The following CCDC83 variants were observed in gnomAD, a reference collection of about 807,000 sequenced individuals.
CCDC83 encodes coiled-coil domain containing 83.
Under a neutral mutation model 50.1 loss-of-function variants are expected in CCDC83, and 54 were observed. The ratio of observed to expected loss-of-function variants is 1.08; its 90% CI spans 0.87 to 1.35. The LOEUF (loss-of-function observed/expected upper bound fraction) is 1.35, where lower values mean the gene tolerates loss of function less well. Among genes scored for constraint, CCDC83 ranks in the 40% most tolerant of loss-of-function variants. The probability of loss-of-function intolerance (pLI) is 0.00; values close to 1 mark genes in which losing one functional copy is unlikely to be tolerated. For missense variants in CCDC83, 518 were observed against 473.9 expected, an observed-to-expected ratio of 1.09 and a Z score of -0.86; for synonymous variants, 161 against 153.3, an observed-to-expected ratio of 1.05 and a Z score of -0.37.
At chr11:85,906,738 A>G (rs997112028) in intron 7 of CCDC83, among the ~76,000 whole-genome samples, 16 of 152,238 alleles carry the variant, frequency 1.1e-4, no homozygotes, top group African/African-American at 3.4e-4. Context: ...TTTTTAAAGT[A>G]GCCAGGCATT....
chr11:85,893,282 G>A (rs1227715672), intron 5 of CCDC83, among the ~76,000 whole-genome samples: 2 of 152,190 alleles, frequency 1.3e-5, no homozygotes, highest in East Asian at 1.9e-4. Flanking sequence ...TGCTCTCAGC[G>A]TTTTCATCTA....
At chr11:85,869,296 C>A (rs559948584) in intron 2 of CCDC83, among the ~76,000 whole-genome samples, 2 of 152,326 alleles carry the variant, frequency 1.3e-5, no homozygotes, top group South Asian at 4.1e-4. Context: ...AGAACTGATA[C>A]TAAATCTATA....
intron 7 of CCDC83, among the ~76,000 whole-genome samples, chr11:85,908,657 C>T (rs2093437538): frequency 6.6e-6 from 1 of 151,820 alleles, no homozygotes; most frequent in Non-Finnish European, 1.5e-5. Context: ...AATCCCAGCA[C>T]TTCGGGAGGC....
intron 8 of CCDC83, among the ~76,000 whole-genome samples, chr11:85,913,981 G>T (rs990993670): frequency 6.6e-6 from 1 of 152,184 alleles, no homozygotes; most frequent in African/African-American, 2.4e-5. Context: ...CATTTAGAAA[G>T]ATCTTAATTG....
At chr11:85,888,489 T>C (rs1161433987) in intron 5 of CCDC83, among the ~76,000 whole-genome samples, 1 of 152,240 alleles carries the variant, frequency 6.6e-6, no homozygotes, top group East Asian at 1.9e-4. Context: ...TTCTAATGTG[T>C]TGTGGCACTC....
chr11:85,901,641 CAAA>C (rs61687599), intron 7 of CCDC83, among the ~76,000 whole-genome samples: 1 of 122,226 alleles, frequency 8.2e-6, no homozygotes, highest in Admixed American at 8.3e-5. Flanking sequence ...GACCACAATA[CAAA>C]AAAAAAAAAG....
At chr11:85,899,084 T>A (rs748721153) in intron 7 of CCDC83, 69 bp downstream of exon 7, 76 of 1,180,500 alleles carry the variant, frequency 6.4e-5, no homozygotes, top group Non-Finnish European at 7.3e-5. Flanking sequence ...GACTTTTAAT[T>A]ATGAACTGAA....
chr11:85,868,739 T>C (rs549095539), intron 2 of CCDC83, among the ~76,000 whole-genome samples: 129 of 152,144 alleles, frequency 8.5e-4, no homozygotes, highest in Non-Finnish European at 1.7e-3. Context: ...CTCAAACTCC[T>C]GGGCTCAAGG....
At chr11:85,914,417 T>C (rs1427465353) in intron 8 of CCDC83, among the ~76,000 whole-genome samples, 2 of 152,192 alleles carry the variant, frequency 1.3e-5, no homozygotes, top group African/African-American at 4.8e-5. Context: ...GAGCACAGAA[T>C]TAAACAATGT....
chr11:85,903,982 A>G (rs1189440909), intron 7 of CCDC83, among the ~76,000 whole-genome samples: 1 of 151,890 alleles, frequency 6.6e-6, no homozygotes, highest in Non-Finnish European at 1.5e-5. Context: ...ATCAAATTAA[A>G]TTTAAAAAAT....
At chr11:85,892,945 T>C (rs980361012) in intron 5 of CCDC83, among the ~76,000 whole-genome samples, 9 of 152,206 alleles carry the variant, frequency 5.9e-5, no homozygotes, top group African/African-American at 1.9e-4. Flanking sequence ...AAAAACCTAA[T>C]GAATTCTTGC....
intron 8 of CCDC83, among the ~76,000 whole-genome samples, chr11:85,913,132 G>C (rs1304674914): frequency 1.3e-5 from 2 of 152,162 alleles, no homozygotes; most frequent in Non-Finnish European, 2.9e-5. Flanking sequence ...AGAATGCTTA[G>C]TCTAGCTTCA....
intron 1 of CCDC83, among the ~76,000 whole-genome samples, chr11:85,857,449 G>A (rs1299808060): frequency 1.3e-5 from 2 of 152,114 alleles, no homozygotes; most frequent in Non-Finnish European, 1.5e-5. Context: ...CTTCAAAGAC[G>A]GCCTCCTCAA....
chr11:85,897,624 G>C (rs2093381317), intron 6 of CCDC83, among the ~76,000 whole-genome samples: 1 of 152,148 alleles, frequency 6.6e-6, no homozygotes, highest in Non-Finnish European at 1.5e-5. Flanking sequence ...AGATTCAAAT[G>C]TGTAACTAAG....
intron 5 of CCDC83, among the ~76,000 whole-genome samples, chr11:85,888,302 G>A (rs922663699): frequency 1.3e-5 from 2 of 152,156 alleles, no homozygotes; most frequent in African/African-American, 4.8e-5. Context: ...CAGCAACAGG[G>A]GGTGGTATCC....
At chr11:85,905,857 T>C (rs2093423280) in intron 7 of CCDC83, among the ~76,000 whole-genome samples, 1 of 148,050 alleles carries the variant, frequency 6.8e-6, no homozygotes, top group South Asian at 2.1e-4. Flanking sequence ...TAGTCCCAGC[T>C]ACTCAGTAGG....
chr11:85,899,830 CATAGGTTA>C (rs2093392597), intron 7 of CCDC83, among the ~76,000 whole-genome samples: 1 of 152,108 alleles, frequency 6.6e-6, no homozygotes, highest in African/African-American at 2.4e-5. Flanking sequence ...TAGCTTAGAT[CATAGGTTA>C]AAACCTTTGT....
intron 7 of CCDC83, among the ~76,000 whole-genome samples, chr11:85,902,567 C>T (rs2093407029): frequency 6.6e-6 from 1 of 152,140 alleles, no homozygotes; most frequent in Non-Finnish European, 1.5e-5. Flanking sequence ...GCTGTGCAAC[C>T]GGTGCAGACA....
rs757113480 is a variant in CCDC83 at position 85,916,053 on chromosome 11, A to T, written c.900A>T (p.Thr300=). 6.2e-7 allele frequency: 1 copy of T among 1,611,626 alleles called. No homozygotes were observed. Among genetic ancestry groups the T allele is most frequent in the Non-Finnish European group, 8.5e-7 (1 of 1,178,782 alleles). ...HIEEKSELQP[T]EVESRDLMSS... is the part of the protein sequence containing the mutation. ...AAGAGAAGTCAGAATTGCAACCCAC[A>T]GAAGTAGAAAGTAGAGACTTGATGT... is the stretch of plus-strand genomic sequence containing the variant. The change falls in exon 10 of 11, where the codon ACA becomes ACT. Residue 300 remains threonine (T), a synonymous_variant. Transcript: ENST00000342404.
Sources: allele counts gnomAD v4.1 joint callset (sites outside exome capture counted in the v4.1 genomes callset), GRCh38; gene constraint gnomAD v4.1.1; transcripts MANE v1.5; gene names NCBI Gene and HGNC (gene_info 2026-07-23, HGNC 2026-07-21).